KLHL41: variants seen among roughly 807,000 people sequenced by gnomAD.
KLHL41 encodes the protein kelch-like protein 41.
Under a neutral mutation model 49.2 loss-of-function variants are expected in KLHL41, and 31 were observed. The observed-to-expected ratio is 0.63, with a 90% confidence interval of 0.47 to 0.85. KLHL41 has a LOEUF of 0.85. KLHL41 is among the 40% of genes least tolerant of loss of function. The pLI is 0.00. For synonymous variants in KLHL41, 218 were observed against 258.5 expected, an observed-to-expected ratio of 0.84 and a Z score of 1.50; for missense variants, 663 against 726.7, an observed-to-expected ratio of 0.91 and a Z score of 1.01.
rs139553763 is a variant in KLHL41 at position 169,526,036 on chromosome 2, A to G, written c.*340A>G. ...TAGGGTATCCTTAAACTGATTTTCT[A>G]TTACAATTGGAAGTGGAGAATATGT... On this transcript the variant is annotated 3_prime_UTR_variant, in exon 6 of 6. Transcript: ENST00000284669. The G allele has an allele frequency of 7.3e-3, 1,216 of 165,634 alleles. 22 individuals are homozygous for G. Among genetic ancestry groups the G allele is most frequent in the African/African-American group, 0.028 (1,160 of 42,060 alleles). The allele number at this position is 165,634 out of a possible 1,614,324, so 10.3% of individuals were successfully genotyped here.
chr2:169,520,738 C>A (rs1684190258), intron 4 of KLHL41, 123 bp from the exon 5 acceptor site: 1 of 735,472 alleles, frequency 1.4e-6, no homozygotes, highest in Non-Finnish European at 2.2e-6. Flanking sequence ...CCGGCATGAG[C>A]CACCGCGCCT....
chr2:169,512,206 C>G (rs1684038111), intron 1 of KLHL41, among the ~76,000 whole-genome samples: 1 of 152,072 alleles, frequency 6.6e-6, no homozygotes, highest in African/African-American at 2.4e-5. Context: ...TCTTAATTTT[C>G]AAAGTTCCAG....
At chr2:169,524,634 G>GTC (rs1684268886) in intron 5 of KLHL41, among the ~76,000 whole-genome samples, 1 of 151,958 alleles carries the variant, frequency 6.6e-6, no homozygotes, top group Non-Finnish European at 1.5e-5. Flanking sequence ...CTGATCTCAG[G>GTC]TGACCTGCCC....
chr2:169,525,013 T>TTATAAAGG (rs1684279750), intron 5 of KLHL41, among the ~76,000 whole-genome samples: 1 of 152,154 alleles, frequency 6.6e-6, no homozygotes, highest in Admixed American at 6.5e-5. Context: ...TATCTGTATC[T>TTATAAAGG]TTATAACCTT....
intron 3 of KLHL41, among the ~76,000 whole-genome samples, chr2:169,517,202 A>G (rs1404196609): frequency 6.6e-6 from 1 of 152,352 alleles, no homozygotes; most frequent in Non-Finnish European, 1.5e-5. Context: ...AATTGTCCTC[A>G]CAAAAAAGTT....
At chr2:169,520,152 CTGTGTGTGTGTG>C (rs59155387) in intron 4 of KLHL41, among the ~76,000 whole-genome samples, 12,119 of 104,966 alleles carry the variant, frequency 0.12, 736 homozygotes, top group Non-Finnish European at 0.12. Flanking sequence ...AGGCCTAGCT[CTGTGTGTGTGTG>C]TGTGTGTGTG....
chr2:169,525,485 G>C, intron 5 of KLHL41, 100 bp from the exon 6 acceptor site: 1 of 705,172 alleles, frequency 1.4e-6, no homozygotes, highest in Non-Finnish European at 2.5e-6. Flanking sequence ...CTGAGTAAGA[G>C]CCACTAGGGT....
chr2:169,510,346 G>T lies in KLHL41; in HGVS notation c.568G>T (p.Val190Leu). The change falls in exon 1 of 6, where the codon GTA (valine) becomes TTA (leucine). Residue 190 changes from valine to leucine, a missense_variant. Physicochemically the swap from Val to Leu is conservative, Grantham distance 32 (BLOSUM62 1). Transcript: ENST00000284669. This position sits in a 1 kb window ranked among gnomAD's most constrained non-coding sequence, Gnocchi z 4.2. ...ISVISNDSLN[V>L]EKEEAVFEAV... ...AGTCATTTCAAATGACAGCCTAAAT[G>T]TAGAAAAAGAAGAAGCAGTATTTGA... The T allele has an allele frequency of 6.2e-7, 1 of 1,614,134 alleles. No homozygotes were observed. Among genetic ancestry groups the T allele is most frequent in the South Asian group, 1.1e-5 (1 of 91,070 alleles).
intron 5 of KLHL41, among the ~76,000 whole-genome samples, chr2:169,523,469 G>A (rs565000189): frequency 7.9e-5 from 12 of 152,282 alleles, no homozygotes; most frequent in African/African-American, 2.9e-4. Context: ...AAGAGAAGAG[G>A]GGGGCATTCA....
intron 3 of KLHL41, 73 bp downstream of exon 3, chr2:169,515,034 T>G: frequency 1.1e-6 from 1 of 887,026 alleles, no homozygotes; most frequent in South Asian, 1.8e-5. Context: ...TCTTTTCTTT[T>G]CTTTTTTTTT....
At chr2:169,525,564 A>ACTT (rs1402139942) in intron 5 of KLHL41, 21 bp from the exon 6 acceptor site, 17 of 1,383,878 alleles carry the variant, frequency 1.2e-5, no homozygotes, top group Non-Finnish European at 1.6e-5. Flanking sequence ...CTTATTGATT[A>ACTT]CTTTTTTTTT....
Position 169,514,742 on chromosome 2 carries a change from A to G in KLHL41, c.1268+11A>G, listed in dbSNP as rs1224207404. The G allele has an allele frequency of 2.5e-6, 4 of 1,613,362 alleles. No homozygotes were observed. The highest frequency in any genetic ancestry group is 3.4e-6 in the Non-Finnish European group (4 of 1,179,544). On this transcript the variant is annotated intron_variant, in intron 2 of 5. Coordinates refer to ENST00000284669, the MANE Select transcript of KLHL41 (RefSeq NM_006063.3). ...ATGCTATGATCCTGTGTAAGTTGGCATGATATTCCTGTTCCCTAAGCATTC... is the reference window on the plus strand; with the variant it reads ...ATGCTATGATCCTGTGTAAGTTGGCGTGATATTCCTGTTCCCTAAGCATTC...
intron 5 of KLHL41, among the ~76,000 whole-genome samples, chr2:169,523,830 C>A (rs1325716098): frequency 6.6e-6 from 1 of 152,078 alleles, no homozygotes; most frequent in Admixed American, 6.5e-5. Flanking sequence ...ATAGGGCCAG[C>A]GATCTGTGTT....
At chr2:169,520,275 A>AGTGTGT (rs71003095) in intron 4 of KLHL41, among the ~76,000 whole-genome samples, 1,036 of 56,922 alleles carry the variant, frequency 0.018, 98 homozygotes, top group African/African-American at 0.038. Context: ...CTCCTGCCTC[A>AGTGTGT]GTGTGTGTGT....
Position 169,510,926 on chromosome 2 carries a change from G to T in KLHL41, c.1110+38G>T. On this transcript the variant is annotated intron_variant, in intron 1 of 5. Coordinates refer to ENST00000284669, the MANE Select transcript of KLHL41 (RefSeq NM_006063.3). This position sits in a 1 kb window ranked among gnomAD's most constrained non-coding sequence, Gnocchi z 4.2. ...TTTTGTATATGTAGTTGCTTAAAGGGAAGGCTGTTACTCACCATCCAGTTA... is the reference window on the plus strand; with the variant it reads ...TTTTGTATATGTAGTTGCTTAAAGGTAAGGCTGTTACTCACCATCCAGTTA... 6.4e-7 allele frequency: 1 copy of T among 1,560,652 alleles called. No homozygotes were observed. The highest frequency in any genetic ancestry group is 8.7e-7 in the Non-Finnish European group (1 of 1,145,810).
intron 5 of KLHL41, among the ~76,000 whole-genome samples, chr2:169,523,197 A>G (rs1684228559): frequency 6.6e-6 from 1 of 152,220 alleles, no homozygotes; most frequent in Admixed American, 6.5e-5. Context: ...CTCCTGCTAT[A>G]AAAGTGGCCC....
intron 5 of KLHL41, 124 bp from the exon 6 acceptor site, chr2:169,525,461 A>G (rs1684288878): frequency 1.6e-6 from 1 of 631,782 alleles, no homozygotes; most frequent in African/African-American, 1.8e-5. Context: ...TCTACCAGGC[A>G]GGTGCATCTT....
rs769378734 is a variant in KLHL41, at chr2:169,514,740, G to T, written c.1268+9G>T. The T allele has an allele frequency of 1.2e-6, 2 of 1,613,196 alleles. No homozygotes were observed. The highest frequency in any genetic ancestry group is 2.2e-5 in the South Asian group (2 of 90,948). On this transcript the variant is annotated intron_variant, in intron 2 of 5. Transcript: ENST00000284669. The stretch of plus-strand genomic sequence containing the variant: ...TTATGCTATGATCCTGTGTAAGTTG[G>T]CATGATATTCCTGTTCCCTAAGCAT...
chr2:169,518,375 A>G lies in KLHL41; in HGVS notation c.1562A>G (p.Lys521Arg), dbSNP rs778003504. 1.5e-5 allele frequency: 24 copies of G among 1,605,904 alleles called. No individual in the cohort carries two copies. Among genetic ancestry groups the G allele is most frequent in the Middle Eastern group, 1.7e-4 (1 of 6,054 alleles). ...SVEAFDLTTN[K>R]WDVMTEFPQE... ...GAAGCTTTTGACCTTACAACAAATA[A>G]GTGAGTTGCCACATCTTAGTATATA... The change falls in exon 4 of 6, where the codon AAA (lysine) becomes AGA (arginine). Residue 521 changes from lysine (K) to arginine (R), a missense_variant and splice_region_variant. Transcript: ENST00000284669.
Sources: gnomAD v4.1 joint callset for allele counts (sites outside exome capture counted in the v4.1 genomes callset) on GRCh38, gnomAD v4.1.1 for gene constraint, Gnocchi (gnomAD v3.1) non-coding constraint, MANE v1.5 for transcripts, NCBI Gene and HGNC (gene_info 2026-07-23, HGNC 2026-07-21) for gene names.